The following FREM3 variants were observed in gnomAD, a reference collection of about 807,000 sequenced individuals.
FREM3 encodes FRAS1 related extracellular matrix 3, also known as FRAS1-related extracellular matrix protein 3.
A neutral mutation model predicts 129.1 loss-of-function variants in FREM3; 105 were observed. The ratio of observed to expected loss-of-function variants is 0.81; its 90% confidence interval spans 0.69 to 0.96. The LOEUF is 0.96. FREM3 is among the 40% of genes least tolerant of loss of function. The pLI is 0.00. For synonymous variants in FREM3, 1,014 were observed against 1,044.9 expected, an observed-to-expected ratio of 0.97 and a Z score of 0.57; for missense variants, 2,593 against 2,666.3, an observed-to-expected ratio of 0.97 and a Z score of 0.61.
intron 5 of FREM3, among the ~76,000 whole-genome samples, chr4:143,620,655 GA>G (rs1389108080): frequency 6.6e-6 from 1 of 152,194 alleles, no homozygotes; most frequent in East Asian, 1.9e-4. Context: ...ATATTGCCCA[GA>G]GGCAATGCTG....
chr4:143,582,525 A>G (rs1240930059), intron 7 of FREM3, among the ~76,000 whole-genome samples: 1 of 152,182 alleles, frequency 6.6e-6, no homozygotes, highest in Non-Finnish European at 1.5e-5. Flanking sequence ...ACTATATTAA[A>G]ATTACACCAC....
chr4:143,676,914 C>A (rs1166718324), intron 2 of FREM3, among the ~76,000 whole-genome samples: 4 of 152,140 alleles, frequency 2.6e-5, no homozygotes, highest in African/African-American at 7.2e-5. Flanking sequence ...AATGGAAGAA[C>A]ATTCCATGGT....
At chr4:143,612,631 C>T (rs1441298457) in intron 5 of FREM3, among the ~76,000 whole-genome samples, 1 of 152,008 alleles carries the variant, frequency 6.6e-6, no homozygotes, top group African/African-American at 2.4e-5. Flanking sequence ...TGCACCAACC[C>T]AATAATTTTT....
intron 2 of FREM3, among the ~76,000 whole-genome samples, chr4:143,661,425 C>G (rs4835628): frequency 6.6e-6 from 1 of 151,474 alleles, no homozygotes; most frequent in Non-Finnish European, 1.5e-5. Context: ...AGCCTTGCAT[C>G]CCAGGGATGA....
chr4:143,683,649 T>C (rs1214556797), intron 2 of FREM3, among the ~76,000 whole-genome samples: 3 of 151,976 alleles, frequency 2.0e-5, no homozygotes. Flanking sequence ...TTGAACGGGG[T>C]GAGAAGCCTC....
intron 3 of FREM3, among the ~76,000 whole-genome samples, chr4:143,626,986 A>G (rs1409949883): frequency 5.9e-5 from 9 of 152,294 alleles, no homozygotes; most frequent in African/African-American, 1.7e-4. Context: ...GCAGCTAAAG[A>G]TGTTATGAAA....
rs556411688 is a variant in FREM3 at position 143,617,535 on chromosome 4, A to G, written c.5779+3502T>C. ...CTACAAGGACAAACCTTTGTAATGC[A>G]TCTTCAAGATCTTCATGTTTGTTGC... is the stretch of plus-strand genomic sequence containing the variant. On this transcript the variant is annotated intron_variant, in intron 5 of 7. Transcript: ENST00000329798. Among the ~76,000 whole-genome samples the G allele has an allele frequency of 3.9e-5, 6 of 152,366 alleles. No individual in the cohort carries two copies. The South Asian group carries it at 1.2e-3, about 32-fold the overall frequency.
At chr4:143,608,094 A>T (rs1229528604) in intron 6 of FREM3, among the ~76,000 whole-genome samples, 2 of 152,156 alleles carry the variant, frequency 1.3e-5, no homozygotes. Context: ...GGGCCCACTT[A>T]GGTAACTCAG....
chr4:143,637,743 C>A (rs897713315), intron 2 of FREM3, among the ~76,000 whole-genome samples: 2 of 152,082 alleles, frequency 1.3e-5, no homozygotes, highest in Non-Finnish European at 2.9e-5. Flanking sequence ...AGGGAAAAAA[C>A]CAAAAGAACA....
intron 6 of FREM3, among the ~76,000 whole-genome samples, chr4:143,605,798 CA>C (rs1417634238): frequency 1.3e-5 from 2 of 152,258 alleles, no homozygotes; most frequent in African/African-American, 2.4e-5. Flanking sequence ...TATAAGTGAG[CA>C]AAAAGTCTCC....
intron 2 of FREM3, among the ~76,000 whole-genome samples, chr4:143,630,444 A>G (rs1478259400): frequency 6.6e-6 from 1 of 152,126 alleles, no homozygotes; most frequent in African/African-American, 2.4e-5. Context: ...CTTTCTTGTC[A>G]CATTTCATAT....
At chr4:143,674,346 G>A (rs529222622) in intron 2 of FREM3, among the ~76,000 whole-genome samples, 1 of 152,192 alleles carries the variant, frequency 6.6e-6, no homozygotes, top group Non-Finnish European at 1.5e-5. Flanking sequence ...ACTGCTGAGA[G>A]ATTTTGTCAC....
At chr4:143,613,375 C>T (rs532569240) in intron 5 of FREM3, among the ~76,000 whole-genome samples, 1 of 152,252 alleles carries the variant, frequency 6.6e-6, no homozygotes, top group African/African-American at 2.4e-5. Flanking sequence ...CATGAGATTC[C>T]TTCTCTGGGG....
intron 6 of FREM3, among the ~76,000 whole-genome samples, chr4:143,609,664 G>C (rs1335780103): frequency 6.7e-6 from 1 of 150,270 alleles, no homozygotes; most frequent in Non-Finnish European, 1.5e-5. Context: ...TTTCAAGCAG[G>C]CTTCAAAAAC....
At chr4:143,611,150 T>G in intron 6 of FREM3, 129 bp downstream of exon 6, 5 of 1,025,030 alleles carry the variant, frequency 4.9e-6, no homozygotes, top group Non-Finnish European at 6.9e-6. Flanking sequence ...TACTCACAGT[T>G]TTTGGAGATA....
chr4:143,694,322 A>G (rs1740527442), intron 1 of FREM3, among the ~76,000 whole-genome samples: 1 of 152,222 alleles, frequency 6.6e-6, no homozygotes, highest in East Asian at 1.9e-4. Context: ...AGAGCTTGAC[A>G]TAACTGTGGA....
intron 2 of FREM3, among the ~76,000 whole-genome samples, chr4:143,660,232 C>T (rs199919646): frequency 2.2e-4 from 32 of 143,306 alleles, no homozygotes; most frequent in South Asian, 6.7e-4. Context: ...ACATTTAAGT[C>T]TTTAATCCAT....
intron 2 of FREM3, among the ~76,000 whole-genome samples, chr4:143,666,031 C>T (rs1298353089): frequency 1.3e-5 from 2 of 152,054 alleles, no homozygotes; most frequent in Non-Finnish European, 2.9e-5. Flanking sequence ...TATGCAAAGT[C>T]ACTATTTTTA....
At chr4:143,643,688 G>A (rs1048764727) in intron 2 of FREM3, among the ~76,000 whole-genome samples, 5 of 151,966 alleles carry the variant, frequency 3.3e-5, no homozygotes, top group African/African-American at 1.2e-4. Context: ...GATGAGGAGA[G>A]GCTGGTCAAC....
Sources: gnomAD v4.1 joint callset for allele counts (sites outside exome capture counted in the v4.1 genomes callset) on GRCh38, gnomAD v4.1.1 for gene constraint, MANE v1.5 for transcripts, NCBI Gene and HGNC (gene_info 2026-07-23, HGNC 2026-07-21) for gene names.